SGCZ: variants seen among roughly 807,000 people sequenced by gnomAD.
SGCZ encodes the protein zeta-sarcoglycan.
SGCZ carries 40 observed loss-of-function variants against 41.3 expected under a neutral mutation model. The ratio of observed to expected loss-of-function variants is 0.97; its 90% confidence interval spans 0.75 to 1.26. The LOEUF is 1.26. SGCZ is among the 50% of genes most tolerant of loss of function. The pLI, the probability that SGCZ is intolerant of heterozygous loss-of-function variation, is 0.00. For synonymous variants in SGCZ, 206 were observed against 137.5 expected, an observed-to-expected ratio of 1.50 and a Z score of -3.49; for missense variants, 552 against 369.8, an observed-to-expected ratio of 1.49 and a Z score of -4.04.
In SGCZ at chr8:14,884,194, A is replaced by G. The variant is rs543589929; in HGVS notation, c.40-329268T>C. 4.6e-5 allele frequency among the ~76,000 whole-genome samples: 7 copies of G among 152,274 alleles called. No individual in the cohort carries two copies. The South Asian group carries it at 1.2e-3, about 27-fold the overall frequency. On this transcript the variant is annotated intron_variant, in intron 1 of 7. Transcript: ENST00000382080. ...TCTAAGACTCTGATTAATTCTAAAT[A>G]TAAGTGTCTTGTTTAGAATCCATTG...
chr8:15,039,254 A>G (rs1009629696), intron 1 of SGCZ, among the ~76,000 whole-genome samples: 2 of 152,210 alleles, frequency 1.3e-5, no homozygotes, highest in South Asian at 2.1e-4. Context: ...ATGGATGAAT[A>G]AAGAAAATGT....
chr8:14,603,061 G>A (rs1445314706), intron 1 of SGCZ, among the ~76,000 whole-genome samples: 10 of 152,160 alleles, frequency 6.6e-5, no homozygotes, highest in Admixed American at 6.5e-4. Flanking sequence ...GATTCTAGTA[G>A]GGGACTTGAC....
chr8:15,063,243 T>C (rs765848922), intron 1 of SGCZ, among the ~76,000 whole-genome samples: 14 of 152,130 alleles, frequency 9.2e-5, no homozygotes, highest in Admixed American at 1.3e-4. Flanking sequence ...ATATTAACAA[T>C]AAAAATTGTG....
chr8:14,150,397 C>T (rs1477507022), intron 5 of SGCZ, among the ~76,000 whole-genome samples: 1 of 152,058 alleles, frequency 6.6e-6, no homozygotes, highest in Non-Finnish European at 1.5e-5. Flanking sequence ...AAAGAAAACA[C>T]ACACATGGCA....
intron 1 of SGCZ, among the ~76,000 whole-genome samples, chr8:15,032,895 C>A (rs1803731870): frequency 6.6e-6 from 1 of 151,378 alleles, no homozygotes; most frequent in Non-Finnish European, 1.5e-5. Context: ...CCTGTGGCCC[C>A]AGGCTCCAGG....
chr8:14,371,163 TA>T (rs1803896142), intron 2 of SGCZ, among the ~76,000 whole-genome samples: 1 of 152,050 alleles, frequency 6.6e-6, no homozygotes, highest in South Asian at 2.1e-4. Flanking sequence ...TGGGTTTTAT[TA>T]AATTTGGAAT....
intron 1 of SGCZ, among the ~76,000 whole-genome samples, chr8:14,784,470 G>C (rs1002243556): frequency 7.2e-5 from 11 of 151,880 alleles, no homozygotes; most frequent in South Asian, 2.1e-4. Flanking sequence ...ATCAAATTTG[G>C]GTAAAATAGA....
At chr8:15,094,961 T>C (rs1390399259) in intron 1 of SGCZ, among the ~76,000 whole-genome samples, 1 of 152,202 alleles carries the variant, frequency 6.6e-6, no homozygotes, top group African/African-American at 2.4e-5. Flanking sequence ...TATTTGTTCA[T>C]AGCAATGTGA....
chr8:14,505,551 T>C (rs930385895), intron 2 of SGCZ, among the ~76,000 whole-genome samples: 3 of 152,184 alleles, frequency 2.0e-5, no homozygotes, highest in Non-Finnish European at 4.4e-5. Flanking sequence ...GCAAATCACA[T>C]AATCTCAGCT....
intron 3 of SGCZ, among the ~76,000 whole-genome samples, chr8:14,317,600 G>T (rs1801761265): frequency 6.6e-6 from 1 of 151,824 alleles, no homozygotes; most frequent in Admixed American, 6.6e-5. Context: ...AACATTAAAT[G>T]ACTAACAGGA....
intron 1 of SGCZ, among the ~76,000 whole-genome samples, chr8:15,002,242 C>G (rs1363408284): frequency 1.3e-5 from 2 of 149,874 alleles, no homozygotes; most frequent in African/African-American, 4.9e-5. Context: ...ATACAAAAAC[C>G]TAGTGCAGTG....
At chr8:14,097,572 G>C (rs1445521339) in intron 7 of SGCZ, among the ~76,000 whole-genome samples, 1 of 152,170 alleles carries the variant, frequency 6.6e-6, no homozygotes, top group African/African-American at 2.4e-5. Flanking sequence ...CTGTTGATTT[G>C]GGGTGGAGAG....
chr8:14,949,940 A>G (rs1324919489), intron 1 of SGCZ, among the ~76,000 whole-genome samples: 1 of 152,226 alleles, frequency 6.6e-6, no homozygotes, highest in African/African-American at 2.4e-5. Flanking sequence ...TTTAAATGTA[A>G]ATAGAAGTGA....
At chr8:14,918,782 C>A (rs1799510295) in intron 1 of SGCZ, among the ~76,000 whole-genome samples, 1 of 152,198 alleles carries the variant, frequency 6.6e-6, no homozygotes, top group Non-Finnish European at 1.5e-5. Flanking sequence ...AGAGAATCAG[C>A]CTTCCTCATT....
At chr8:14,844,446 T>G (rs563866707) in intron 1 of SGCZ, among the ~76,000 whole-genome samples, 1 of 152,348 alleles carries the variant, frequency 6.6e-6, no homozygotes, top group African/African-American at 2.4e-5. Context: ...TCCAACAGCA[T>G]GTAACAAACG....
At chr8:14,838,121 T>C (rs1585306665) in intron 1 of SGCZ, among the ~76,000 whole-genome samples, 2 of 152,274 alleles carry the variant, frequency 1.3e-5, no homozygotes, top group Admixed American at 6.5e-5. Flanking sequence ...CTCACTCATA[T>C]GCGGGATAGA....
At chr8:14,603,970 C>A (rs1410279061) in intron 1 of SGCZ, among the ~76,000 whole-genome samples, 1 of 152,036 alleles carries the variant, frequency 6.6e-6, no homozygotes, top group Non-Finnish European at 1.5e-5. Context: ...CACACTGTTA[C>A]TATGTGAAAA....
chr8:14,399,181 C>T (rs1318925128), intron 2 of SGCZ, among the ~76,000 whole-genome samples: 2 of 152,114 alleles, frequency 1.3e-5, no homozygotes, highest in African/African-American at 4.8e-5. Context: ...GTGTATCTTT[C>T]ATCAGATTAT....
intron 1 of SGCZ, among the ~76,000 whole-genome samples, chr8:14,661,369 ATGT>A (rs1047924888): frequency 5.3e-5 from 8 of 152,284 alleles, no homozygotes; most frequent in Non-Finnish European, 1.0e-4. Flanking sequence ...TATGAAAAAA[ATGT>A]TGTTAAGGTT....
Sources: allele counts gnomAD v4.1 joint callset (sites outside exome capture counted in the v4.1 genomes callset), GRCh38; gene constraint gnomAD v4.1.1; transcripts MANE v1.5; gene names NCBI Gene and HGNC (gene_info 2026-07-23, HGNC 2026-07-21).